ARAP1: variants seen among roughly 807,000 people sequenced by gnomAD.
ARAP1 encodes the protein arf-GAP with Rho-GAP domain, ANK repeat and PH domain-containing protein 1.
Under a neutral mutation model 172.2 loss-of-function variants are expected in ARAP1, and 76 were observed. The observed-to-expected ratio is 0.44, with a 90% confidence interval of 0.37 to 0.53. The LOEUF is 0.53. ARAP1 is among the 20% of genes least tolerant of loss of function. The pLI is 0.00. For synonymous variants in ARAP1, 804 were observed against 803.3 expected (o/e 1.00, Z -0.01); for missense variants, 1,686 against 1,977.5 (o/e 0.85, Z 2.80).
intron 3 of ARAP1, chr11:72,722,096 C>T (rs746177575): frequency 4.9e-5 from 48 of 985,286 alleles, no homozygotes; most frequent in African/African-American, 1.4e-4. Context: ...CACTTCTCTA[C>T]GTGCGTGTGT....
At chr11:72,704,923 A>C (rs730783) in intron 13 of ARAP1, 70,302 of 153,296 alleles carry the variant, frequency 0.46, 16,193 homozygotes, top group Non-Finnish European at 0.48. Flanking sequence ...CAAAGCAGAA[A>C]AGTCCTTGCC....
chr11:72,732,938 G>T, intron 1 of ARAP1, among the ~76,000 whole-genome samples: 1 of 152,044 alleles, frequency 6.6e-6, no homozygotes, highest in Non-Finnish European at 1.5e-5. Context: ...AGCTGTGATT[G>T]AGCCACTACA....
At chr11:72,737,879 C>T (rs979919030) in intron 1 of ARAP1, among the ~76,000 whole-genome samples, 3 of 152,238 alleles carry the variant, frequency 2.0e-5, no homozygotes, top group African/African-American at 7.2e-5. Context: ...CCCTCTTGGC[C>T]TCCCAAAGTG....
chr11:72,702,891 T>C lies in ARAP1; in HGVS notation c.2167+14A>G. On this transcript the variant is annotated intron_variant, in intron 15 of 34. Coordinates refer to ENST00000393609, the MANE Select transcript of ARAP1 (RefSeq NM_001040118.3). ...TGCACAGCCTGGTGGACCCCCACCC[T>C]CTGCCACGCTCACCTGTGGTCCGGT... 1 of 1,551,520 alleles carries C rather than the reference T, an allele frequency of 6.4e-7. No homozygotes were observed. The highest frequency in any genetic ancestry group is 8.7e-7 in the Non-Finnish European group (1 of 1,147,244).
chr11:72,731,407 A>T (rs1361918397), intron 2 of ARAP1, among the ~76,000 whole-genome samples: 1 of 152,094 alleles, frequency 6.6e-6, no homozygotes, highest in Non-Finnish European at 1.5e-5. Context: ...TTGTTCATGT[A>T]AGAGCTAGCT....
intron 3 of ARAP1, among the ~76,000 whole-genome samples, chr11:72,723,137 G>A (rs993175952): frequency 2.0e-5 from 3 of 151,836 alleles, no homozygotes; most frequent in Non-Finnish European, 2.9e-5. Context: ...GGAATACCTC[G>A]TCTTTACAAA....
chr11:72,711,368 T>A, intron 8 of ARAP1, 62 bp downstream of exon 8: 1 of 1,569,206 alleles, frequency 6.4e-7, no homozygotes, highest in Non-Finnish European at 8.8e-7. Context: ...GCCACCTCGC[T>A]CCAGTGTTGG....
chr11:72,702,817 C>G, intron 15 of ARAP1, 88 bp downstream of exon 15: 7 of 1,475,972 alleles, frequency 4.7e-6, no homozygotes, highest in Non-Finnish European at 5.4e-6. Flanking sequence ...CCTTGAGGAG[C>G]TGCGATCACG....
rs773285819 is a variant in ARAP1, at chr11:72,697,608, C to CCACCAG, written c.2773_2778dup (p.Leu925_Val926dup). On this transcript the variant is annotated inframe_insertion, in exon 20 of 35. Transcript: ENST00000393609. ...GAGGCCGTGGCTCACCTCCTTCGCT[C>CCACCAG]CACCAGCACCAGCACCTGGTTCTCA... 9.9e-6 allele frequency: 16 copies of CCACCAG among 1,614,048 alleles called. No homozygotes were observed. In the South Asian group the frequency reaches 1.6e-4, roughly 17 times the overall value.
intron 31 of ARAP1, 151 bp downstream of exon 31, chr11:72,688,304 G>A: frequency 3.1e-6 from 2 of 649,640 alleles, no homozygotes; most frequent in African/African-American, 1.8e-5. Flanking sequence ...TGTTGAAGGT[G>A]TGTCCAGGTG....
In ARAP1 at chr11:72,693,042, G is replaced by T; in HGVS notation, c.3955-257C>A. ...GGCTGTCATCAAGTAACAGGTTCCT[G>T]TGGATGCAGTGATAAGGCACAGGCA... On this transcript the variant is annotated intron_variant, in intron 29 of 34. Transcript: ENST00000393609. The surrounding 1 kb of genome is among the most constrained non-coding windows in gnomAD (Gnocchi z 4.6). The T allele has an allele frequency of 1.6e-6, 1 of 640,746 alleles. No homozygotes were observed. The highest frequency in any genetic ancestry group is 2.7e-6 in the Non-Finnish European group (1 of 366,164). The allele number at this position is 640,746 out of a possible 1,614,324, so 39.7% of individuals were successfully genotyped here.
At chr11:72,729,779 C>T (rs1267118817) in intron 2 of ARAP1, among the ~76,000 whole-genome samples, 1 of 151,620 alleles carries the variant, frequency 6.6e-6, no homozygotes, top group Non-Finnish European at 1.5e-5. Context: ...AAAAATTAGG[C>T]AGCTGCACAC....
chr11:72,687,993 GT>G (rs1396257721), intron 31 of ARAP1, among the ~76,000 whole-genome samples: 2 of 102,282 alleles, frequency 2.0e-5, no homozygotes, highest in Non-Finnish European at 4.5e-5. Context: ...GAGAATTTGT[GT>G]TTTTTTGTTG....
Position 72,687,681 on chromosome 11 carries a change from C to T in ARAP1, c.4121+7G>A, listed in dbSNP as rs748618032. On this transcript the variant is annotated splice_region_variant and intron_variant, in intron 32 of 34. Transcript: ENST00000393609. Reference sequence around the variant, plus strand: ...GCCTGGGATCTCAGGATGAGGCGCTCACTCACCACTGCTGCTTCTCATGTT... The same window carrying T: ...GCCTGGGATCTCAGGATGAGGCGCTTACTCACCACTGCTGCTTCTCATGTT... 1.2e-6 allele frequency: 2 copies of T among 1,614,190 alleles called. No individual in the cohort carries two copies. Among genetic ancestry groups the T allele is most frequent in the East Asian group, 2.2e-5 (1 of 44,884 alleles).
intron 1 of ARAP1, among the ~76,000 whole-genome samples, chr11:72,736,653 C>G (rs1420185145): frequency 6.6e-6 from 1 of 152,048 alleles, no homozygotes; most frequent in Non-Finnish European, 1.5e-5. Flanking sequence ...GACTTCAGCA[C>G]CCCCACACCC....
Position 72,704,136 on chromosome 11 carries a change from G to A in ARAP1, c.1992+16C>T. 3 of 1,614,012 alleles carry A rather than the reference G, an allele frequency of 1.9e-6. No homozygotes were observed. The highest frequency in any genetic ancestry group is 2.5e-6 in the Non-Finnish European group (3 of 1,179,948). On this transcript the variant is annotated intron_variant, in intron 14 of 34. Coordinates refer to ENST00000393609, the MANE Select transcript of ARAP1 (RefSeq NM_001040118.3). Reference sequence around the variant, plus strand: ...GGGGGTGGTCCCAAGGGGCCCCAGAGCTGCAGTGCCCTGACCTTGTCCAGC... The same window carrying A: ...GGGGGTGGTCCCAAGGGGCCCCAGAACTGCAGTGCCCTGACCTTGTCCAGC...
intron 1 of ARAP1, among the ~76,000 whole-genome samples, chr11:72,748,023 T>G (rs891884601): frequency 6.6e-6 from 1 of 152,228 alleles, no homozygotes; most frequent in African/African-American, 2.4e-5. Context: ...TTCCCAGCTA[T>G]TCTATGTAAT....
rs201487448 is a variant in ARAP1 at position 72,712,202 on chromosome 11, G to A, written c.1016C>T (p.Pro339Leu). 16 of 1,601,770 alleles carry A rather than the reference G, an allele frequency of 1.0e-5. No homozygotes were observed. The highest frequency in any genetic ancestry group is 1.3e-5 in the Non-Finnish European group (15 of 1,176,146). The change falls in exon 7 of 35, where the codon CCG becomes CTG. Residue 339 changes from proline (P) to leucine (L), a missense_variant. Transcript: ENST00000393609. ...IKAGWLDKNPPQGSYIYQKRW... is the reference protein window; with the variant it reads ...IKAGWLDKNPLQGSYIYQKRW... ...CCCAAGAGGCCTCACTCACCCCTGC[G>A]GTGGGTTCTTGTCCAGCCAGCCAGC...
chr11:72,697,235 TAG>T lies in ARAP1; in HGVS notation c.2954-42_2954-41del, dbSNP rs754628403. 2.3e-5 allele frequency: 37 copies of T among 1,587,714 alleles called. 1 individual carries two copies. Among genetic ancestry groups the T allele is most frequent in the South Asian group, 1.4e-4 (13 of 90,082 alleles). ...GGCCAAGCGTTCGGGGCCTGAGGCATAGAGTCATGGGGCGGGGCCGCGCAGCT... is the reference window on the plus strand; with the variant it reads ...GGCCAAGCGTTCGGGGCCTGAGGCATAGTCATGGGGCGGGGCCGCGCAGCT... On this transcript the variant is annotated intron_variant, in intron 21 of 34. Coordinates refer to ENST00000393609, the MANE Select transcript of ARAP1 (RefSeq NM_001040118.3).
Sources: allele counts gnomAD v4.1 joint callset (sites outside exome capture counted in the v4.1 genomes callset), GRCh38; gene constraint gnomAD v4.1.1; non-coding constraint Gnocchi (gnomAD v3.1); transcripts MANE v1.5; gene names NCBI Gene and HGNC (gene_info 2026-07-23, HGNC 2026-07-21).